The following MZT1 variants were observed in gnomAD, a reference collection of about 807,000 sequenced individuals.
MZT1 encodes the protein mitotic-spindle organizing protein 1.
A neutral mutation model predicts 8.5 loss-of-function variants in MZT1; 8 were observed. The ratio of observed to expected loss-of-function variants is 0.94; its 90% confidence interval spans 0.55 to 1.70. The LOEUF (loss-of-function observed/expected upper bound fraction) is 1.70, where lower values mean the gene tolerates loss of function less well. Among genes scored for constraint, MZT1 ranks in the 40% most tolerant of loss-of-function variants. The pLI is 0.00. For synonymous variants in MZT1, 38 were observed against 42.0 expected, an observed-to-expected ratio of 0.90 and a Z score of 0.37; for missense variants, 93 against 108.6, an observed-to-expected ratio of 0.86 and a Z score of 0.64.
intron 2 of MZT1, among the ~76,000 whole-genome samples, chr13:72,714,333 G>A (rs1329964966): frequency 6.6e-6 from 1 of 152,182 alleles, no homozygotes; most frequent in East Asian, 1.9e-4. Context: ...AATAACCTAA[G>A]GCTGGAACTT....
intron 2 of MZT1, among the ~76,000 whole-genome samples, chr13:72,717,345 T>C (rs977554566): frequency 7.3e-5 from 11 of 151,308 alleles, no homozygotes; most frequent in Admixed American, 2.6e-4. Context: ...TTCTTTTTTT[T>C]TTTTTTTTTT....
In MZT1 at chr13:72,724,699, T is replaced by TAA. The variant is rs1443630191; in HGVS notation, c.79+2823_79+2824dup. Among the ~76,000 whole-genome samples the TAA allele has an allele frequency of 1.8e-3, 66 of 37,486 alleles. 1 individual carries two copies. Among genetic ancestry groups the TAA allele is most frequent in the Admixed American group, 5.9e-3 (13 of 2,190 alleles). The allele number at this position is 37,486 out of a possible 152,430, so 24.6% of individuals were successfully genotyped here. On this transcript the variant is annotated intron_variant, in intron 1 of 2. Transcript: ENST00000377818. ...GATTACAGGCACCCGTACTTACTAC[T>TAA]AAATATATATATATATATACATATA... is the stretch of plus-strand genomic sequence containing the variant.
Position 72,724,091 on chromosome 13 carries a change from C to T in MZT1, c.79+3433G>A, listed in dbSNP as rs185789628. Among the ~76,000 whole-genome samples the T allele has an allele frequency of 3.3e-5, 5 of 152,282 alleles. No homozygotes were observed. The East Asian group carries it at 9.6e-4, about 29-fold the overall frequency. Reference sequence around the variant, plus strand: ...GGAACTTGGTAAATTCAGACCTGAACTGCTATTGTGAAGGCAATGTAATTA... The same window carrying T: ...GGAACTTGGTAAATTCAGACCTGAATTGCTATTGTGAAGGCAATGTAATTA... On this transcript the variant is annotated intron_variant, in intron 1 of 2. Coordinates refer to ENST00000377818, the MANE Select transcript of MZT1 (RefSeq NM_001071775.3).
At chr13:72,714,683 C>CA in intron 2 of MZT1, among the ~76,000 whole-genome samples, 1 of 152,352 alleles carries the variant, frequency 6.6e-6, no homozygotes, top group Non-Finnish European at 1.5e-5. Flanking sequence ...AGCCATGACT[C>CA]AAAGTGGCCC....
Position 72,719,111 on chromosome 13 carries a change from C to CAA in MZT1, c.80-16_80-15dup, listed in dbSNP as rs753365312. 6.7e-3 allele frequency: 8,133 copies of CAA among 1,219,594 alleles called. 5 individuals are homozygous for CAA. The highest frequency in any genetic ancestry group is 0.021 in the African/African-American group (1,123 of 52,648). The allele number at this position is 1,219,594 out of a possible 1,614,324, so 75.5% of individuals were successfully genotyped here. ...TCTCAAGCAGAACTGAAAAAAGATA[C>CAA]AAAAAAAAAAAAAACTTAAGGCTTA... is the stretch of plus-strand genomic sequence containing the variant. On this transcript the variant is annotated splice_polypyrimidine_tract_variant and intron_variant, in intron 1 of 2. Coordinates refer to ENST00000377818, the MANE Select transcript of MZT1 (RefSeq NM_001071775.3).
chr13:72,713,755 G>A (rs1035474618), intron 2 of MZT1, among the ~76,000 whole-genome samples: 3 of 152,116 alleles, frequency 2.0e-5, no homozygotes, highest in Non-Finnish European at 4.4e-5. Flanking sequence ...GTTCCAGTGA[G>A]GATTTCCTTT....
chr13:72,713,358 C>T (rs78598977), intron 2 of MZT1, among the ~76,000 whole-genome samples: 1,754 of 152,222 alleles, frequency 0.012, 40 homozygotes, highest in African/African-American at 0.039. Context: ...CCTTGGTATC[C>T]ATGGTGAATT....
chr13:72,722,885 TAG>T (rs1431349770), intron 1 of MZT1, among the ~76,000 whole-genome samples: 1 of 152,184 alleles, frequency 6.6e-6, no homozygotes, highest in African/African-American at 2.4e-5. Flanking sequence ...TTTATATGCT[TAG>T]AGTTTCAGCA....
In MZT1 at chr13:72,724,074, G is replaced by A. The variant is rs1032993830; in HGVS notation, c.79+3450C>T. ...TGGTCCCTACACTAGAGGGAACTTG[G>A]TAAATTCAGACCTGAACTGCTATTG... On this transcript the variant is annotated intron_variant, in intron 1 of 2. Coordinates refer to ENST00000377818, the MANE Select transcript of MZT1 (RefSeq NM_001071775.3). Among the ~76,000 whole-genome samples the A allele has an allele frequency of 1.3e-4, 20 of 152,314 alleles. No homozygotes were observed. The East Asian group carries it at 2.7e-3, about 21-fold the overall frequency.
intron 2 of MZT1, among the ~76,000 whole-genome samples, chr13:72,711,383 C>T (rs9318115): frequency 0.36 from 55,292 of 151,936 alleles, 10,557 homozygotes; most frequent in East Asian, 0.5. Flanking sequence ...TAGGGAGATA[C>T]ATAGCTAGCT....
At chr13:72,716,780 C>T (rs532334420) in intron 2 of MZT1, among the ~76,000 whole-genome samples, 1 of 152,232 alleles carries the variant, frequency 6.6e-6, no homozygotes, top group African/African-American at 2.4e-5. Context: ...TTTTAGTTGC[C>T]AATCTGAGCA....
intron 1 of MZT1, among the ~76,000 whole-genome samples, chr13:72,719,609 A>G (rs1411116989): frequency 1.3e-5 from 2 of 152,188 alleles, no homozygotes; most frequent in African/African-American, 4.8e-5. Context: ...AGTAATATAC[A>G]TATTTAATTT....
intron 2 of MZT1, among the ~76,000 whole-genome samples, chr13:72,717,181 T>C (rs2032543750): frequency 6.6e-6 from 1 of 152,184 alleles, no homozygotes; most frequent in Non-Finnish European, 1.5e-5. Context: ...ACTCGATTGC[T>C]CATTTGTGTC....
chr13:72,721,428 G>C (rs2032593206), intron 1 of MZT1, among the ~76,000 whole-genome samples: 1 of 152,164 alleles, frequency 6.6e-6, no homozygotes, highest in Admixed American at 6.5e-5. Flanking sequence ...CTTCTAGATG[G>C]TTCCCTCCCA....
chr13:72,717,258 G>A (rs1398924639), intron 2 of MZT1, among the ~76,000 whole-genome samples: 1 of 151,578 alleles, frequency 6.6e-6, no homozygotes, highest in East Asian at 1.9e-4. Flanking sequence ...TTTCCTCAAT[G>A]AAATATCCAA....
intron 2 of MZT1, among the ~76,000 whole-genome samples, chr13:72,714,090 G>A (rs894279514): frequency 2.7e-5 from 4 of 149,284 alleles, no homozygotes; most frequent in Admixed American, 6.7e-5. Context: ...TCTAAGACAC[G>A]GCCCTTCCCA....
intron 1 of MZT1, among the ~76,000 whole-genome samples, chr13:72,725,610 T>C (rs981955323): frequency 6.6e-6 from 1 of 152,160 alleles, no homozygotes; most frequent in African/African-American, 2.4e-5. Flanking sequence ...CTCCTTCATT[T>C]TTTGTTTTAC....
chr13:72,724,720 A>C (rs1356502079), intron 1 of MZT1, among the ~76,000 whole-genome samples: 1 of 18,412 alleles, frequency 5.4e-5, no homozygotes, highest in Non-Finnish European at 3.2e-4. Flanking sequence ...ATATATATAC[A>C]TATATATATA....
At chr13:72,717,835 T>C (rs1476034647) in intron 2 of MZT1, among the ~76,000 whole-genome samples, 3 of 152,218 alleles carry the variant, frequency 2.0e-5, no homozygotes, top group Admixed American at 6.5e-5. Flanking sequence ...CTCACCAGAA[T>C]TGCCTCAACA....
Sources: allele counts gnomAD v4.1 joint callset (sites outside exome capture counted in the v4.1 genomes callset), GRCh38; gene constraint gnomAD v4.1.1; transcripts MANE v1.5; gene names NCBI Gene and HGNC (gene_info 2026-07-23, HGNC 2026-07-21).